CSMD1: variants seen among roughly 807,000 people sequenced by gnomAD.
CSMD1 encodes CUB and Sushi multiple domains 1.
A neutral mutation model predicts 417.5 loss-of-function variants in CSMD1; 213 were observed. That is an observed-to-expected ratio of 0.51 (90% CI 0.46 to 0.57). The LOEUF is 0.57. Among genes scored for constraint, CSMD1 ranks in the 20% least tolerant of loss-of-function variants. The pLI is 0.00. For missense variants in CSMD1, 6,923 were observed against 4,529.7 expected (o/e 1.53, Z -15.17); for synonymous variants, 2,862 against 1,736.8 (o/e 1.65, Z -16.11).
intron 10 of CSMD1, among the ~76,000 whole-genome samples, chr8:3,518,056 T>A (rs1797354937): frequency 6.6e-6 from 1 of 152,118 alleles, no homozygotes; most frequent in Non-Finnish European, 1.5e-5. Flanking sequence ...TATCATCAGA[T>A]TCAAGTGTTT....
intron 7 of CSMD1, among the ~76,000 whole-genome samples, chr8:3,691,167 G>A (rs888237557): frequency 6.6e-6 from 1 of 152,020 alleles, no homozygotes; most frequent in East Asian, 1.9e-4. Context: ...AGGAGTTTGA[G>A]ACCAGCGTGA....
chr8:4,275,997 A>G (rs1428929953), intron 3 of CSMD1, among the ~76,000 whole-genome samples: 2 of 152,222 alleles, frequency 1.3e-5, no homozygotes, highest in Admixed American at 1.3e-4. Context: ...CTGTGGAGAA[A>G]TAGGAATGCT....
At chr8:3,721,464 C>A (rs964407691) in intron 6 of CSMD1, among the ~76,000 whole-genome samples, 2 of 152,090 alleles carry the variant, frequency 1.3e-5, no homozygotes, top group Non-Finnish European at 2.9e-5. Flanking sequence ...GGACTGAGTC[C>A]ATTAGTTTAA....
chr8:4,051,456 C>T (rs577912293), intron 3 of CSMD1, among the ~76,000 whole-genome samples: 13 of 152,090 alleles, frequency 8.5e-5, no homozygotes, highest in East Asian at 1.9e-4. Context: ...GAATTCAAAG[C>T]GCCCTACACG....
chr8:3,841,163 G>A (rs1477938522), intron 5 of CSMD1, among the ~76,000 whole-genome samples: 1 of 151,956 alleles, frequency 6.6e-6, no homozygotes, highest in East Asian at 1.9e-4. Flanking sequence ...ATAAAATGGT[G>A]GAAATTGTGT....
chr8:3,118,763 T>C (rs561844044), intron 41 of CSMD1, among the ~76,000 whole-genome samples, 176 bp from the exon 42 acceptor site: 112 of 152,310 alleles, frequency 7.4e-4, no homozygotes, highest in Admixed American at 2.1e-3. Flanking sequence ...TTATTAGTAG[T>C]AGTAGAATCA....
At chr8:4,984,815 G>A (rs935617177) in intron 1 of CSMD1, among the ~76,000 whole-genome samples, 4 of 152,130 alleles carry the variant, frequency 2.6e-5, no homozygotes, top group African/African-American at 7.2e-5. Context: ...AGTGTCCTTG[G>A]GCTGACCTGT....
intron 5 of CSMD1, among the ~76,000 whole-genome samples, chr8:3,966,926 G>A (rs970534659): frequency 1.3e-4 from 20 of 152,258 alleles, no homozygotes; most frequent in African/African-American, 4.8e-4. Context: ...TTAAAAGGCT[G>A]GTCTTTATGA....
At chr8:3,594,529 G>C (rs766653893) in intron 8 of CSMD1, among the ~76,000 whole-genome samples, 1 of 152,112 alleles carries the variant, frequency 6.6e-6, no homozygotes, top group East Asian at 1.9e-4. Context: ...GTTTGTCCAG[G>C]AATGTTTTTC....
At chr8:4,134,563 T>G (rs1353100370) in intron 3 of CSMD1, among the ~76,000 whole-genome samples, 1 of 152,228 alleles carries the variant, frequency 6.6e-6, no homozygotes, top group African/African-American at 2.4e-5. Context: ...TGGCACATTG[T>G]TATGGCAGCC....
chr8:3,318,412 G>A (rs1805923310), intron 23 of CSMD1, among the ~76,000 whole-genome samples: 1 of 152,174 alleles, frequency 6.6e-6, no homozygotes, highest in Non-Finnish European at 1.5e-5. Flanking sequence ...CTCGGCTTCA[G>A]ATATTTTGCT....
intron 5 of CSMD1, among the ~76,000 whole-genome samples, chr8:3,954,075 T>C (rs1225021379): frequency 1.3e-5 from 2 of 152,124 alleles, no homozygotes; most frequent in Non-Finnish European, 2.9e-5. Context: ...ACCCCGCCTC[T>C]AGGAAGCTCG....
chr8:3,115,408 G>A (rs1816805358), intron 42 of CSMD1, among the ~76,000 whole-genome samples: 2 of 152,086 alleles, frequency 1.3e-5, no homozygotes, highest in Admixed American at 1.3e-4. Context: ...TGCCATGTTG[G>A]CCAGGCTTGT....
chr8:4,869,739 A>G (rs1802625202), intron 1 of CSMD1, among the ~76,000 whole-genome samples: 1 of 152,080 alleles, frequency 6.6e-6, no homozygotes, highest in Non-Finnish European at 1.5e-5. Flanking sequence ...AAAACGTTCC[A>G]TGGAATAGAG....
chr8:3,941,359 G>A (rs1329110870), intron 5 of CSMD1, among the ~76,000 whole-genome samples: 2 of 152,044 alleles, frequency 1.3e-5, no homozygotes, highest in Non-Finnish European at 2.9e-5. Flanking sequence ...TATAATGAAT[G>A]CTGATAATAA....
intron 3 of CSMD1, among the ~76,000 whole-genome samples, chr8:4,296,479 T>A (rs1000137426): frequency 2.0e-5 from 3 of 152,152 alleles, no homozygotes; most frequent in Admixed American, 2.0e-4. Flanking sequence ...TTAAATATTT[T>A]AAATAATTAA....
At chr8:3,791,838 TA>T (rs112221595) in intron 5 of CSMD1, among the ~76,000 whole-genome samples, 1 of 145,402 alleles carries the variant, frequency 6.9e-6, no homozygotes, top group Admixed American at 7.0e-5. Flanking sequence ...ATAATAATAA[TA>T]AAAAAATAAT....
At chr8:4,933,289 A>G (rs1456137468) in intron 1 of CSMD1, among the ~76,000 whole-genome samples, 3 of 152,208 alleles carry the variant, frequency 2.0e-5, no homozygotes, top group African/African-American at 7.2e-5. Flanking sequence ...ATTCTCTCAG[A>G]GGAGCACAAC....
intron 18 of CSMD1, among the ~76,000 whole-genome samples, chr8:3,380,836 C>T (rs1810583751): frequency 6.6e-6 from 1 of 151,722 alleles, no homozygotes; most frequent in Non-Finnish European, 1.5e-5. Flanking sequence ...CGTGTGTATA[C>T]CTATGTAACA....
Sources: gnomAD v4.1 joint callset for allele counts (sites outside exome capture counted in the v4.1 genomes callset) on GRCh38, gnomAD v4.1.1 for gene constraint, MANE v1.5 for transcripts, NCBI Gene and HGNC (gene_info 2026-07-23, HGNC 2026-07-21) for gene names.